PIEZO2: variants seen among roughly 807,000 people sequenced by gnomAD.
PIEZO2 encodes piezo type mechanosensitive ion channel component 2.
A neutral mutation model predicts 337.3 loss-of-function variants in PIEZO2; 172 were observed. The observed-to-expected ratio is 0.51, with a 90% confidence interval of 0.45 to 0.58. PIEZO2 has a LOEUF of 0.58. Among genes scored for constraint, PIEZO2 ranks in the 20% least tolerant of loss-of-function variants. The pLI is 0.00. For missense variants in PIEZO2, 3,028 were observed against 3,391.3 expected (o/e 0.89, Z 2.66); for synonymous variants, 1,251 against 1,228.5 (o/e 1.02, Z -0.38).
At chr18:10,871,665 A>C (rs2144790239) in intron 4 of PIEZO2, among the ~76,000 whole-genome samples, 1 of 152,312 alleles carries the variant, frequency 6.6e-6, no homozygotes, top group Admixed American at 6.5e-5. Context: ...CTCACTCCTA[A>C]AACGTCCTAA....
chr18:11,011,425 A>ATGT (rs1444370535), intron 2 of PIEZO2, among the ~76,000 whole-genome samples: 34 of 152,216 alleles, frequency 2.2e-4, no homozygotes, highest in Non-Finnish European at 4.7e-4. Flanking sequence ...GCCAAAATGC[A>ATGT]TGTTAATCCT....
intron 2 of PIEZO2, among the ~76,000 whole-genome samples, chr18:10,989,469 C>T (rs1000535716): frequency 2.7e-5 from 4 of 149,036 alleles, no homozygotes; most frequent in African/African-American, 4.9e-5. Flanking sequence ...TAAAGCAATA[C>T]GCAAAAACAT....
intron 1 of PIEZO2, among the ~76,000 whole-genome samples, chr18:11,141,016 G>A (rs1404936820): frequency 1.3e-5 from 2 of 152,190 alleles, no homozygotes; most frequent in African/African-American, 4.8e-5. Context: ...GGATGGAAGA[G>A]TATGGCTGCG....
chr18:10,804,546 A>T (rs1457169242), intron 8 of PIEZO2, among the ~76,000 whole-genome samples: 2 of 152,196 alleles, frequency 1.3e-5, no homozygotes, highest in Non-Finnish European at 2.9e-5. Context: ...TCCCAACAAA[A>T]GTGTCCTAGT....
Position 10,726,606 on chromosome 18 carries a change from G to A in PIEZO2, c.5029+4801C>T. On this transcript the variant is annotated intron_variant, in intron 36 of 55. Transcript: ENST00000674853. The surrounding 1 kb of genome is among the most constrained non-coding windows in gnomAD (Gnocchi z 5.9). ...TCTTCCAGGACCTGGCGCGCTACGT[G>A]CGGGACGCCGACGTGCGCTGGGAGT... 1 of 1,342,912 alleles carries A rather than the reference G, an allele frequency of 7.4e-7. No homozygotes were observed. Among genetic ancestry groups the A allele is most frequent in the African/African-American group, 1.8e-5 (1 of 55,356 alleles). 83.2% of individuals were successfully genotyped at this position (1,342,912 alleles called of 1,614,324 possible).
intron 1 of PIEZO2, among the ~76,000 whole-genome samples, chr18:11,090,841 G>GC (rs879305206): frequency 1.3e-5 from 2 of 151,494 alleles, no homozygotes; most frequent in Non-Finnish European, 2.9e-5. Context: ...TGAACCCGGG[G>GC]GGGCAAAGCT....
chr18:10,726,968 C>G lies in PIEZO2; in HGVS notation c.5029+4439G>C. ...AGGTTGAGGGCTGCAGACAGAGGCC[C>G]TGGACAGAAGCTCCAGATAGGCCCC... On this transcript the variant is annotated intron_variant, in intron 36 of 55. Transcript: ENST00000674853. This position sits in a 1 kb window ranked among gnomAD's most constrained non-coding sequence, Gnocchi z 5.9. 2 of 1,341,766 alleles carry G rather than the reference C, an allele frequency of 1.5e-6. No individual in the cohort carries two copies. Among genetic ancestry groups the G allele is most frequent in the South Asian group, 2.9e-5 (2 of 69,440 alleles). 83.1% of individuals were successfully genotyped at this position (1,341,766 alleles called of 1,614,324 possible).
intron 7 of PIEZO2, among the ~76,000 whole-genome samples, chr18:10,848,507 G>C (rs896383517): frequency 6.6e-6 from 1 of 152,124 alleles, no homozygotes; most frequent in Non-Finnish European, 1.5e-5. Context: ...AGGGTAACAG[G>C]ACAAATCATT....
chr18:10,860,446 CA>C (rs992449302), intron 5 of PIEZO2, among the ~76,000 whole-genome samples: 13 of 152,124 alleles, frequency 8.5e-5, no homozygotes, highest in African/African-American at 2.9e-4. Context: ...GCCCGGGTCC[CA>C]GGGCAGCTCT....
At chr18:10,892,856 T>C (rs1483255931) in intron 4 of PIEZO2, among the ~76,000 whole-genome samples, 2 of 152,208 alleles carry the variant, frequency 1.3e-5, no homozygotes, top group Non-Finnish European at 2.9e-5. Flanking sequence ...ACAAGCTACA[T>C]CTGTAAATAT....
At chr18:11,075,922 T>C (rs954777618) in intron 1 of PIEZO2, among the ~76,000 whole-genome samples, 1 of 151,740 alleles carries the variant, frequency 6.6e-6, no homozygotes, top group Admixed American at 6.6e-5. Flanking sequence ...CCGAGTTAGC[T>C]GGGACTACAG....
In PIEZO2 at chr18:11,043,509, T is replaced by A. The variant is rs74824344; in HGVS notation, c.160+22618A>T. The stretch of plus-strand genomic sequence containing the variant: ...AACAGGTGTGTGTAGACTGTAGTAA[T>A]TTTTATGTTAATTTTGGAGATTTTT... On this transcript the variant is annotated intron_variant, in intron 2 of 55. Coordinates refer to ENST00000674853, the MANE Select transcript of PIEZO2 (RefSeq NM_001378183.1). Among the ~76,000 whole-genome samples, 6 of 152,316 alleles carry A rather than the reference T, an allele frequency of 3.9e-5. No homozygotes were observed. In the East Asian group the frequency reaches 1.2e-3, roughly 29 times the overall value.
At chr18:11,098,244 TACAC>T (rs150739388) in intron 1 of PIEZO2, among the ~76,000 whole-genome samples, 1,974 of 145,712 alleles carry the variant, frequency 0.014, 23 homozygotes, top group Non-Finnish European at 0.02. Context: ...AGAAGCAAGA[TACAC>T]ACACACACAC....
chr18:10,840,150 T>G (rs75619334), intron 7 of PIEZO2, among the ~76,000 whole-genome samples: 8,845 of 152,272 alleles, frequency 0.058, 362 homozygotes, highest in Non-Finnish European at 0.084. Context: ...CATATTTTAA[T>G]GTGTAACATG....
intron 5 of PIEZO2, 45 bp downstream of exon 5, chr18:10,871,208 G>C: frequency 6.6e-7 from 1 of 1,504,340 alleles, no homozygotes; most frequent in Non-Finnish European, 8.9e-7. Context: ...TAAGGGTCAA[G>C]GTCCTCAGAA....
intron 7 of PIEZO2, among the ~76,000 whole-genome samples, chr18:10,848,156 A>T (rs2041422294): frequency 6.6e-6 from 1 of 152,238 alleles, no homozygotes; most frequent in South Asian, 2.1e-4. Context: ...TTGCAAAGCA[A>T]GACCGCGGCA....
In PIEZO2 at chr18:11,126,687, T is replaced by C. The variant is rs1043876253; in HGVS notation, c.64+21838A>G. Among the ~76,000 whole-genome samples the C allele has an allele frequency of 6.6e-6, 1 of 152,166 alleles. No individual in the cohort carries two copies. The highest frequency in any genetic ancestry group is 1.5e-5 in the Non-Finnish European group (1 of 68,026). On this transcript the variant is annotated intron_variant, in intron 1 of 55. Coordinates refer to ENST00000674853, the MANE Select transcript of PIEZO2 (RefSeq NM_001378183.1). The surrounding 1 kb of genome is among the most constrained non-coding windows in gnomAD (Gnocchi z 4.6). ...CCATCCTGATAGGCCAGTAAATGTT[T>C]ATTGAATGAATCAATGAAAGATCAA...
chr18:10,934,478 C>T (rs1039128924), intron 3 of PIEZO2, among the ~76,000 whole-genome samples: 28 of 152,080 alleles, frequency 1.8e-4, no homozygotes, highest in African/African-American at 2.4e-4. Context: ...ACCACTCCCC[C>T]GCAAGTCAGG....
intron 7 of PIEZO2, among the ~76,000 whole-genome samples, chr18:10,852,717 A>C (rs2041590478): frequency 6.6e-6 from 1 of 152,200 alleles, no homozygotes. Flanking sequence ...ACAAGAAGAC[A>C]AAAAGCACTA....
Sources: allele counts gnomAD v4.1 joint callset (sites outside exome capture counted in the v4.1 genomes callset), GRCh38; gene constraint gnomAD v4.1.1; non-coding constraint Gnocchi (gnomAD v3.1); transcripts MANE v1.5; gene names NCBI Gene and HGNC (gene_info 2026-07-23, HGNC 2026-07-21).